PHF11: variants seen among roughly 807,000 people sequenced by gnomAD.
PHF11 encodes the protein PHD finger protein 11.
PHF11 carries 38 observed loss-of-function variants against 40.5 expected under a neutral mutation model. The ratio of observed to expected loss-of-function variants is 0.94; its 90% CI spans 0.72 to 1.23. PHF11 has a LOEUF of 1.23. Ranked by LOEUF, PHF11 falls within the 50% of genes most tolerant of loss-of-function variation. The pLI is 0.00. For synonymous variants in PHF11, 127 were observed against 138.2 expected (o/e 0.92, Z 0.57); for missense variants, 369 against 392.4 (o/e 0.94, Z 0.50).
intron 8 of PHF11, 196 bp from the exon 9 acceptor site, chr13:49,526,181 AAAAAAAAAAG>A (rs1959265322): frequency 2.1e-6 from 1 of 480,710 alleles, no homozygotes; most frequent in African/African-American, 2.0e-5. Flanking sequence ...AAAAAAAAAA[AAAAAAAAAAG>A]AAAAAAGAGA....
At chr13:49,500,234 C>T (rs1212288088) in intron 1 of PHF11, among the ~76,000 whole-genome samples, 1 of 152,162 alleles carries the variant, frequency 6.6e-6, no homozygotes, top group Admixed American at 6.5e-5. Flanking sequence ...TTGCTAAACC[C>T]CCCTAGAAAG....
intron 3 of PHF11, among the ~76,000 whole-genome samples, chr13:49,515,541 C>T (rs1566192787): frequency 6.6e-6 from 1 of 151,520 alleles, no homozygotes; most frequent in Non-Finnish European, 1.5e-5. Context: ...ACAGCACTAT[C>T]ATTATCCATT....
chr13:49,512,583 G>A (rs554298014), intron 2 of PHF11, among the ~76,000 whole-genome samples: 32 of 152,296 alleles, frequency 2.1e-4, no homozygotes, highest in Non-Finnish European at 3.7e-4. Flanking sequence ...CATAAAAGAG[G>A]GTTTATGATA....
At chr13:49,521,301 T>G in intron 5 of PHF11, 1 of 999,294 alleles carries the variant, frequency 1.0e-6, no homozygotes, top group Non-Finnish European at 1.2e-6. Flanking sequence ...TGAGTGAAAA[T>G]TCCCTAAGGA....
At chr13:49,504,614 C>T (rs1958956992) in intron 1 of PHF11, among the ~76,000 whole-genome samples, 1 of 147,230 alleles carries the variant, frequency 6.8e-6, no homozygotes, top group Non-Finnish European at 1.5e-5. Flanking sequence ...CCCCGCCCGG[C>T]CAGCCGCCCC....
intron 8 of PHF11, 30 bp downstream of exon 8, chr13:49,524,246 TAG>T: frequency 6.5e-7 from 1 of 1,538,378 alleles, no homozygotes; most frequent in South Asian, 1.2e-5. Flanking sequence ...TTTCGAAGTA[TAG>T]AGACTTCTCC....
intron 3 of PHF11, among the ~76,000 whole-genome samples, chr13:49,515,074 T>A (rs1315010193): frequency 6.6e-6 from 1 of 152,008 alleles, no homozygotes; most frequent in Non-Finnish European, 1.5e-5. Context: ...GGAGGCATAA[T>A]ATTTGGGGGA....
chr13:49,526,168 C>CAAAAAA (rs10573458), intron 8 of PHF11: 21 of 341,218 alleles, frequency 6.2e-5, no homozygotes, highest in African/African-American at 7.8e-5. Context: ...GATTCTGTCT[C>CAAAAAA]AAAAAAAAAA....
chr13:49,506,898 CTTTTTTTTT>C (rs1169962633), intron 2 of PHF11, 142 bp downstream of exon 2: 2 of 142,866 alleles, frequency 1.4e-5, no homozygotes, highest in East Asian at 5.1e-4. Context: ...GGGAGCATTT[CTTTTTTTTT>C]TTTTTTTTTT....
chr13:49,526,113 G>A (rs1959259126), intron 8 of PHF11: 1 of 380,528 alleles, frequency 2.6e-6, no homozygotes. Context: ...AGGTTGCAGT[G>A]AGCCAAGATC....
intron 1 of PHF11, among the ~76,000 whole-genome samples, chr13:49,504,985 A>G (rs1958964981): frequency 6.6e-6 from 1 of 150,874 alleles, no homozygotes; most frequent in Non-Finnish European, 1.5e-5. Flanking sequence ...GCGGTGCAAG[A>G]TGTGCTTTGT....
chr13:49,517,864 G>A (rs1428841520), intron 3 of PHF11, among the ~76,000 whole-genome samples, 154 bp from the exon 4 acceptor site: 2 of 152,192 alleles, frequency 1.3e-5, no homozygotes, highest in Non-Finnish European at 2.9e-5. Flanking sequence ...TATAAGTACT[G>A]TACCCTAATG....
In PHF11 at chr13:49,495,970, A is replaced by C; in HGVS notation, c.-32A>C. The C allele has an allele frequency of 7.0e-7, 1 of 1,433,754 alleles. No homozygotes were observed. Among genetic ancestry groups the C allele is most frequent in the Non-Finnish European group, 9.3e-7 (1 of 1,069,888 alleles). 88.8% of individuals were successfully genotyped at this position (1,433,754 alleles called of 1,614,324 possible). On this transcript the variant is annotated 5_prime_UTR_variant, in exon 1 of 10. Coordinates refer to ENST00000378319, the MANE Select transcript of PHF11 (RefSeq NM_001040443.3). ...GCTGGGGCACTTCCGGGATCTCGCTATCCGGCCGCCACCCGCAGCTGCAGC... is the reference window on the plus strand; with the variant it reads ...GCTGGGGCACTTCCGGGATCTCGCTCTCCGGCCGCCACCCGCAGCTGCAGC...
At chr13:49,527,904 G>A (rs1402109958) in intron 9 of PHF11, among the ~76,000 whole-genome samples, 1 of 151,454 alleles carries the variant, frequency 6.6e-6, no homozygotes, top group South Asian at 2.1e-4. Flanking sequence ...TTAACTATAC[G>A]TATGCAGTTA....
At chr13:49,497,022 G>A (rs1594194806) in intron 1 of PHF11, 1 of 1,213,266 alleles carries the variant, frequency 8.2e-7, no homozygotes, top group Non-Finnish European at 1.1e-6. Context: ...TAGTAGAGAG[G>A]GTTTCTCCAT....
chr13:49,526,388 C>G lies in PHF11; in HGVS notation c.771C>G (p.Asp257Glu). The change falls in exon 9 of 10, where the codon GAC becomes GAG. Residue 257 changes from aspartate (D) to glutamate (E), a missense_variant and splice_region_variant. Physicochemically the swap from Asp to Glu is conservative, Grantham distance 45. Coordinates refer to ENST00000378319, the MANE Select transcript of PHF11 (RefSeq NM_001040443.3). ...KLMDETTSESDYEEIGSALFD... is the reference protein window; with the variant it reads ...KLMDETTSESEYEEIGSALFD... ...TTGAAAATGTTTCTCTCCCTCCAGA[C>G]TATGAAGAAATCGGGAGTGCACTTT... 6.2e-7 allele frequency: 1 copy of G among 1,600,174 alleles called. No homozygotes were observed. The highest frequency in any genetic ancestry group is 8.6e-7 in the Non-Finnish European group (1 of 1,167,494).
chr13:49,496,521 C>T, intron 1 of PHF11: 6 of 875,206 alleles, frequency 6.9e-6, no homozygotes, highest in Non-Finnish European at 8.2e-6. Flanking sequence ...AGCTGGGTCT[C>T]ACGTTCACGG....
At chr13:49,528,352 TAAAG>T (rs1959400067) in intron 9 of PHF11, among the ~76,000 whole-genome samples, 155 bp from the exon 10 acceptor site, 1 of 152,198 alleles carries the variant, frequency 6.6e-6, no homozygotes, top group Non-Finnish European at 1.5e-5. Context: ...AGTGAAGGCA[TAAAG>T]AAACCAGCTC....
chr13:49,514,814 A>C (rs1436936170), intron 3 of PHF11, among the ~76,000 whole-genome samples: 1 of 151,920 alleles, frequency 6.6e-6, no homozygotes, highest in Non-Finnish European at 1.5e-5. Context: ...CTATGCTATT[A>C]CTAATTAATA....
Sources: allele counts gnomAD v4.1 joint callset (sites outside exome capture counted in the v4.1 genomes callset), GRCh38; gene constraint gnomAD v4.1.1; transcripts MANE v1.5; gene names NCBI Gene and HGNC (gene_info 2026-07-23, HGNC 2026-07-21).